The following ZNF683 variants were observed in gnomAD, a reference collection of about 807,000 sequenced individuals.
ZNF683 encodes zinc finger protein 683.
ZNF683 carries 20 observed loss-of-function variants against 31.4 expected under a neutral mutation model. The ratio of observed to expected loss-of-function variants is 0.64; its 90% CI spans 0.45 to 0.93. ZNF683 has a LOEUF of 0.93. Among genes scored for constraint, ZNF683 ranks in the 40% least tolerant of loss-of-function variants. The pLI, the probability that ZNF683 is intolerant of heterozygous loss-of-function variation, is 0.00. For synonymous variants in ZNF683, 264 were observed against 267.6 expected (o/e 0.99, Z 0.13); for missense variants, 621 against 637.2 (o/e 0.97, Z 0.27).
rs150947609 is a variant in ZNF683, at chr1:26,362,027, C to T, written c.1144-5G>A. ...GCTGAAGCGCTTGTGGCACACCTGA[C>T]GGGAACGAGCACTGGCATCAGCTTT... is the stretch of plus-strand genomic sequence containing the variant. On this transcript the variant is annotated splice_polypyrimidine_tract_variant and splice_region_variant and intron_variant, in intron 5 of 5. Coordinates refer to ENST00000349618, the MANE Select transcript of ZNF683 (RefSeq NM_001114759.3). 1.6e-3 allele frequency: 2,619 copies of T among 1,613,806 alleles called. 44 individuals carry two copies. In the African/African-American group the frequency reaches 0.031, roughly 19 times the overall value.
chr1:26,373,027 G>A (rs1258991748), upstream of ZNF683, among the ~76,000 whole-genome samples: 1 of 152,162 alleles, frequency 6.6e-6, no homozygotes, highest in Non-Finnish European at 1.5e-5. Context: ...CGTGAGTCTG[G>A]CCCAGGGTAC....
chr1:26,361,716 C>T lies in ZNF683; in HGVS notation c.1450G>A (p.Ala484Thr). Residue 484 changes from alanine (A) to threonine (T), a missense_variant, in exon 6 of 6, where the codon GCA (alanine) becomes ACA (threonine). Coordinates refer to ENST00000349618, the MANE Select transcript of ZNF683 (RefSeq NM_001114759.3). The stretch of plus-strand genomic sequence containing the variant: ...GCACTGCTCAGGCTCACTGCTCTTG[C>T]TTTCCCCTGGGATGTCGAGGACACT... The part of the protein sequence containing the change: ...VKVSSTSQGK[A>T]RAVSLSSAGT... 2 of 1,614,080 alleles carry T rather than the reference C, an allele frequency of 1.2e-6. No individual in the cohort carries two copies. Among genetic ancestry groups the T allele is most frequent in the Non-Finnish European group, 8.5e-7 (1 of 1,179,898 alleles).
In ZNF683 at chr1:26,364,804, C is replaced by T. The variant is rs763596899; in HGVS notation, c.742G>A (p.Ala248Thr). The T allele has an allele frequency of 8.6e-6, 11 of 1,283,164 alleles. No homozygotes were observed. The African/African-American group carries it at 8.8e-5, about 10-fold the overall frequency. The allele number at this position is 1,283,164 out of a possible 1,614,324, so 79.5% of individuals were successfully genotyped here. Residue 248 changes from alanine (A) to threonine (T), a missense_variant, in exon 4 of 6, where the codon GCT becomes ACT. Coordinates refer to ENST00000349618, the MANE Select transcript of ZNF683 (RefSeq NM_001114759.3). ...MMVNELGHPSARWETLLPYPG... is the reference protein window; with the variant it reads ...MMVNELGHPSTRWETLLPYPG... ...TAGGGAAGCAGGGTCTCCCACCGAG[C>T]GCTGGGGTGCCCCAGCTCATTGACC... is the stretch of plus-strand genomic sequence containing the variant.
rs184355770 is a variant in ZNF683, at chr1:26,366,679, T to G, written c.319+914A>C. On this transcript the variant is annotated intron_variant, in intron 3 of 5. Transcript: ENST00000349618. ...CCAGCCCAGTGCTTTTTTTTTGAGA[T>G]GGAGTCTCGCTCAGTCGCCCAGGCT... 7.8e-3 allele frequency among the ~76,000 whole-genome samples: 1,193 copies of G among 152,128 alleles called. 15 individuals carry two copies. Among genetic ancestry groups the G allele is most frequent in the African/African-American group, 0.027 (1,137 of 41,522 alleles).
At chr1:26,366,342 CAAAAAAAAAAA>C (rs1173737722) in intron 3 of ZNF683, among the ~76,000 whole-genome samples, 23 of 69,000 alleles carry the variant, frequency 3.3e-4, no homozygotes, top group African/African-American at 1.1e-3. Context: ...CAGCCTATCT[CAAAAAAAAAAA>C]AAAAAAAAAA....
rs749802476 is a variant in ZNF683 at position 26,364,807 on chromosome 1, TGGGGTGCCCCAGC to T, written c.726_738del (p.Leu243AlafsTer54). ...GGAAGCAGGGTCTCCCACCGAGCGC[TGGGGTGCCCCAGC>T]TCATTGACCATCATCAGCAGGCTAG... On this transcript the variant is annotated frameshift_variant, in exon 4 of 6. Coordinates refer to ENST00000349618, the MANE Select transcript of ZNF683 (RefSeq NM_001114759.3). LOFTEE classifies it high-confidence loss of function. 5.5e-6 allele frequency: 7 copies of T among 1,284,030 alleles called. No homozygotes were observed. Among genetic ancestry groups the T allele is most frequent in the Non-Finnish European group, 7.3e-6 (7 of 954,790 alleles). 79.5% of individuals were successfully genotyped at this position (1,284,030 alleles called of 1,614,324 possible).
intron 3 of ZNF683, 99 bp downstream of exon 3, chr1:26,367,494 G>A: frequency 7.9e-7 from 1 of 1,259,434 alleles, no homozygotes; most frequent in Non-Finnish European, 1.1e-6. Context: ...CTTCATCAGT[G>A]ACACTGCGTC....
chr1:26,367,691 A>G lies in ZNF683; in HGVS notation c.221T>C (p.Leu74Pro). ...LPLAPGRSAL[L>P]ACLQDLDLNL... The stretch of plus-strand genomic sequence containing the variant: ...CAGGTCCAGGTCCTGTAGGCAGGCC[A>G]GCAGTGCAGACCTGCCCGGTGCCAG... Residue 74 changes from leucine (L) to proline (P), a missense_variant, in exon 3 of 6, where the codon CTG (leucine) becomes CCG (proline). Transcript: ENST00000349618. The G allele has an allele frequency of 1.2e-6, 2 of 1,612,830 alleles. No homozygotes were observed. The highest frequency in any genetic ancestry group is 1.7e-6 in the Non-Finnish European group (2 of 1,179,622).
upstream of ZNF683, chr1:26,374,450 G>A (rs893874655): frequency 3.0e-5 from 35 of 1,149,900 alleles, no homozygotes; most frequent in Non-Finnish European, 3.9e-5. Context: ...AATGCCCCAG[G>A]AGGTGGGCTG....
At position 26,364,732 on chromosome 1, in the gene ZNF683, G is replaced by C. The variant is rs374469495; in HGVS notation, c.814C>G (p.Arg272Gly). ...ASGQALPSQA[R>G]NPGAGAAPTD... ...GGGGCAGCTCCAGCACCTGGATTTC[G>C]GGCCTGGGAAGGCAGAGCTTGGCCA... The change falls in exon 4 of 6, where the codon CGA (arginine) becomes GGA (glycine). Residue 272 changes from arginine to glycine, a missense_variant. Arg to Gly is a moderately radical substitution (Grantham distance 125). Transcript: ENST00000349618. The C allele has an allele frequency of 4.3e-6, 7 of 1,613,714 alleles. No homozygotes were observed. The highest frequency in any genetic ancestry group is 4.2e-6 in the Non-Finnish European group (5 of 1,179,832).
chr1:26,363,741 A>G (rs867922770), intron 4 of ZNF683, among the ~76,000 whole-genome samples: 41,484 of 118,192 alleles, frequency 0.35, 6,495 homozygotes, highest in Non-Finnish European at 0.4. Context: ...CATATGGAAA[A>G]AAAAAAAAAA....
intron 3 of ZNF683, among the ~76,000 whole-genome samples, chr1:26,366,484 C>A (rs921058617): frequency 6.6e-6 from 1 of 152,040 alleles, no homozygotes; most frequent in Admixed American, 6.5e-5. Context: ...GAGTCCTTGC[C>A]TTCAGGGGGT....
upstream of ZNF683, chr1:26,373,114 C>T (rs1019950984): frequency 1.3e-5 from 2 of 159,924 alleles, no homozygotes; most frequent in East Asian, 1.8e-4. Context: ...ACTGGCTGAG[C>T]GCAGTGGCTC....
chr1:26,374,265 C>T (rs2074720374), upstream of ZNF683: 1 of 1,304,134 alleles, frequency 7.7e-7, no homozygotes, highest in African/African-American at 1.5e-5. Context: ...CTCCAAGGCA[C>T]TTCCCCACAC....
intron 1 of ZNF683, among the ~76,000 whole-genome samples, chr1:26,369,055 G>A (rs1007826502): frequency 1.3e-5 from 2 of 151,740 alleles, no homozygotes; most frequent in Non-Finnish European, 2.9e-5. Flanking sequence ...GACTAACCTC[G>A]GCAACATGGT....
In ZNF683 at chr1:26,368,494, G is replaced by A; in HGVS notation, c.78C>T (p.Ser26=). The A allele has an allele frequency of 1.9e-6, 3 of 1,600,748 alleles. No individual in the cohort carries two copies. Among genetic ancestry groups the A allele is most frequent in the Non-Finnish European group, 2.6e-6 (3 of 1,173,822 alleles). The change falls in exon 2 of 6, where the codon TCC becomes TCT. Residue 26 remains serine (S), a synonymous_variant. Coordinates refer to ENST00000349618, the MANE Select transcript of ZNF683 (RefSeq NM_001114759.3). ...GGAAGAGCTGGAAGTCCAGGCTGGG[G>A]GACAGGGAGCCCCCTGTACCTCCCA... The part of the protein sequence containing the change: ...MALGGTGGSL[S]PSLDFQLFRG...
In ZNF683 at chr1:26,361,889, C is replaced by T. The variant is rs140059732; in HGVS notation, c.1277G>A (p.Arg426Gln). The T allele has an allele frequency of 1.4e-5, 22 of 1,613,936 alleles. No homozygotes were observed. In the African/African-American group the frequency reaches 1.6e-4, roughly 12 times the overall value. Reference sequence around the variant, plus strand: ...GCCACAGGGCTGTGGGGCATGCAGCCGATGGTGCAGCTTCAGGTGGATGTG... The same window carrying T: ...GCCACAGGGCTGTGGGGCATGCAGCTGATGGTGCAGCTTCAGGTGGATGTG... Reference protein sequence around the residue: ...TQHIHLKLHHRLHAPQPCGLV... With the variant: ...TQHIHLKLHHQLHAPQPCGLV... The change falls in exon 6 of 6, where the codon CGG (arginine) becomes CAG (glutamine). Residue 426 changes from arginine (R) to glutamine (Q), a missense_variant. Coordinates refer to ENST00000349618, the MANE Select transcript of ZNF683 (RefSeq NM_001114759.3).
At position 26,367,741 on chromosome 1, in the gene ZNF683, A is replaced by T; in HGVS notation, c.171T>A (p.Cys57Ter). 1 of 1,610,006 alleles carries T rather than the reference A, an allele frequency of 6.2e-7. No individual in the cohort carries two copies. Among genetic ancestry groups the T allele is most frequent in the Non-Finnish European group, 8.5e-7 (1 of 1,177,792 alleles). Residue 57 changes from cysteine to a stop codon, truncating the protein, a stop_gained, in exon 3 of 6, where the codon TGT becomes TGA. Transcript: ENST00000349618. LOFTEE classifies it high-confidence loss of function. ...GGGGCAAGGGACACAGCCAGCTGGC[A>T]CAGGATGGGCCATGAGCATCCACCA... ...PDMVDAHGPS[C>*]ASWLCPLPLA...
chr1:26,368,056 C>T (rs577986806), intron 2 of ZNF683, among the ~76,000 whole-genome samples: 15 of 152,296 alleles, frequency 9.8e-5, no homozygotes, highest in African/African-American at 3.6e-4. Flanking sequence ...TGCCCCGAAC[C>T]CATGTACCTC....
Sources: allele counts gnomAD v4.1 joint callset (sites outside exome capture counted in the v4.1 genomes callset), GRCh38; gene constraint gnomAD v4.1.1; transcripts MANE v1.5; gene names NCBI Gene and HGNC (gene_info 2026-07-23, HGNC 2026-07-21).